DNAJC27: variants seen among roughly 807,000 people sequenced by gnomAD.
The protein encoded by DNAJC27 is DnaJ heat shock protein family (Hsp40) member C27.
A neutral mutation model predicts 31.4 loss-of-function variants in DNAJC27; 25 were observed. That is an observed-to-expected ratio of 0.80 (90% CI 0.58 to 1.11). The LOEUF is 1.11. Among genes scored for constraint, DNAJC27 ranks in the 50% most tolerant of loss-of-function variants. DNAJC27 has a pLI of 0.00. For missense variants in DNAJC27, 356 were observed against 347.3 expected, an observed-to-expected ratio of 1.02 and a Z score of -0.20; for synonymous variants, 106 against 112.7, an observed-to-expected ratio of 0.94 and a Z score of 0.37.
rs988300955 is a variant in DNAJC27, at chr2:24,957,683, T to C, written c.405+127A>G. On this transcript the variant is annotated intron_variant, in intron 4 of 6. Transcript: ENST00000264711. ...TGTTTTGTTTTTGTCTTAGGGACAT[T>C]ATGTTTTGAAAGGTTATTGATTTCC... The C allele has an allele frequency of 5.5e-6, 5 of 904,430 alleles. 1 individual carries two copies. In the African/African-American group the frequency reaches 8.5e-5, roughly 15 times the overall value. The allele number at this position is 904,430 out of a possible 1,614,324, so 56.0% of individuals were successfully genotyped here.
At chr2:24,971,072 G>C (rs949460809) in intron 1 of DNAJC27, among the ~76,000 whole-genome samples, 2 of 152,180 alleles carry the variant, frequency 1.3e-5, no homozygotes, top group Admixed American at 1.3e-4. Context: ...TTAACCAACA[G>C]ATTCCACTTG....
intron 5 of DNAJC27, among the ~76,000 whole-genome samples, chr2:24,954,911 G>T (rs1665869493): frequency 6.6e-6 from 1 of 152,160 alleles, no homozygotes. Flanking sequence ...ACTCCAGCCT[G>T]GGCAACAGAG....
intron 5 of DNAJC27, among the ~76,000 whole-genome samples, chr2:24,952,555 A>G (rs192359560): frequency 6.6e-6 from 1 of 152,118 alleles, no homozygotes; most frequent in East Asian, 1.9e-4. Context: ...GCTTCAGTAA[A>G]TTTTTCTTTT....
intron 6 of DNAJC27, 81 bp downstream of exon 6, chr2:24,951,313 A>G: frequency 7.4e-7 from 1 of 1,359,342 alleles, no homozygotes; most frequent in East Asian, 2.4e-5. Context: ...CAACTGGAGG[A>G]AGATATACTG....
intron 5 of DNAJC27, among the ~76,000 whole-genome samples, chr2:24,951,893 G>A (rs1310009510): frequency 6.6e-6 from 1 of 152,150 alleles, no homozygotes; most frequent in African/African-American, 2.4e-5. Context: ...CGGATTGCTT[G>A]AGCTCAGGAG....
At chr2:24,958,094 T>G in intron 3 of DNAJC27, 120 bp from the exon 4 acceptor site, 1 of 913,790 alleles carries the variant, frequency 1.1e-6, no homozygotes, top group Non-Finnish European at 1.6e-6. Context: ...TGCTATTGTA[T>G]CTGTTTCTAC....
intron 2 of DNAJC27, among the ~76,000 whole-genome samples, chr2:24,965,695 T>C (rs1226069825): frequency 2.0e-5 from 3 of 152,236 alleles, no homozygotes; most frequent in Non-Finnish European, 4.4e-5. Flanking sequence ...TACACACAAC[T>C]CTTGAGTTTT....
In DNAJC27 at chr2:24,951,063, G is replaced by A. The variant is rs112243403; in HGVS notation, c.689+331C>T. ...AATGTTTGACAAGTTGATTGCCAAC[G>A]TGCTTTCCTCCTCTAACATTCTATG... is the stretch of plus-strand genomic sequence containing the variant. On this transcript the variant is annotated intron_variant, in intron 6 of 6. Coordinates refer to ENST00000264711, the MANE Select transcript of DNAJC27 (RefSeq NM_016544.3). Among the ~76,000 whole-genome samples the A allele has an allele frequency of 3.4e-3, 520 of 152,246 alleles. 6 individuals are homozygous for A. The highest frequency in any genetic ancestry group is 0.012 in the African/African-American group (485 of 41,528).
At chr2:24,962,621 C>T (rs951124344) in intron 3 of DNAJC27, among the ~76,000 whole-genome samples, 2 of 152,152 alleles carry the variant, frequency 1.3e-5, no homozygotes, top group South Asian at 2.1e-4. Flanking sequence ...TAAAGAAATA[C>T]ATTGAACTGA....
intron 5 of DNAJC27, among the ~76,000 whole-genome samples, chr2:24,953,859 G>A (rs1665840560): frequency 6.6e-6 from 1 of 152,198 alleles, no homozygotes; most frequent in African/African-American, 2.4e-5. Context: ...TAAATTTCAT[G>A]TCTGAGTTCC....
At chr2:24,953,595 T>A (rs78379488) in intron 5 of DNAJC27, 8 of 453,418 alleles carry the variant, frequency 1.8e-5, no homozygotes, top group South Asian at 9.5e-5. Flanking sequence ...TTTTTTTTTT[T>A]AAACAGACTA....
Position 24,945,943 on chromosome 2 carries a change from G to T in DNAJC27, c.*1673C>A, listed in dbSNP as rs574626700. On this transcript the variant is annotated 3_prime_UTR_variant, in exon 7 of 7. Coordinates refer to ENST00000264711, the MANE Select transcript of DNAJC27 (RefSeq NM_016544.3). The stretch of plus-strand genomic sequence containing the variant: ...AGATGCTCTTTGGCAATCGATATGG[G>T]ATAGCTTTTTAAAATTCACAGGACA... The T allele has an allele frequency of 6.6e-6, 1 of 152,124 alleles. No homozygotes were observed. Among genetic ancestry groups the T allele is most frequent in the Non-Finnish European group, 1.5e-5 (1 of 68,024 alleles). The allele number at this position is 152,124 out of a possible 1,614,324, so 9.4% of individuals were successfully genotyped here.
intron 2 of DNAJC27, among the ~76,000 whole-genome samples, chr2:24,964,833 T>A (rs1002396696): frequency 6.6e-6 from 1 of 152,134 alleles, no homozygotes; most frequent in Admixed American, 6.6e-5. Context: ...AACAAAACTA[T>A]CTTAAATAGG....
At chr2:24,952,070 T>C (rs1269454065) in intron 5 of DNAJC27, among the ~76,000 whole-genome samples, 2 of 152,126 alleles carry the variant, frequency 1.3e-5, no homozygotes, top group African/African-American at 4.8e-5. Context: ...GCCCAGATCA[T>C]GCCACTGTAC....
chr2:24,971,662 T>C, intron 1 of DNAJC27, 156 bp downstream of exon 1: 1 of 553,300 alleles, frequency 1.8e-6, no homozygotes, highest in Non-Finnish European at 3.1e-6. Context: ...GGTCGGGGAG[T>C]TTCGTTCGCG....
At chr2:24,968,507 TTTA>T (rs1185570330) in intron 1 of DNAJC27, among the ~76,000 whole-genome samples, 6 of 151,598 alleles carry the variant, frequency 4.0e-5, no homozygotes, top group South Asian at 2.1e-4. Flanking sequence ...TATTTATTTA[TTTA>T]TTATTATTAT....
intron 5 of DNAJC27, among the ~76,000 whole-genome samples, chr2:24,952,881 C>T (rs577784376): frequency 5.5e-4 from 84 of 152,156 alleles, no homozygotes; most frequent in Non-Finnish European, 1.0e-3. Context: ...ATGGCCTTTT[C>T]TTTTTCTGCA....
At chr2:24,967,175 A>G (rs1666205689) in intron 2 of DNAJC27, 36 bp downstream of exon 2, 1 of 1,535,302 alleles carries the variant, frequency 6.5e-7, no homozygotes, top group East Asian at 2.2e-5. Flanking sequence ...CTGAACTTCT[A>G]TGTAACTTAC....
At position 24,947,482 on chromosome 2, in the gene DNAJC27, C is replaced by G; in HGVS notation, c.*134G>C. ...GTCTATGAAATGGGTACCTGAATTA[C>G]TGATATACAAATGACAACACATGAA... On this transcript the variant is annotated 3_prime_UTR_variant, in exon 7 of 7. Coordinates refer to ENST00000264711, the MANE Select transcript of DNAJC27 (RefSeq NM_016544.3). 1 of 1,106,844 alleles carries G rather than the reference C, an allele frequency of 9.0e-7. No homozygotes were observed. The highest frequency in any genetic ancestry group is 1.3e-6 in the Non-Finnish European group (1 of 777,416). The allele number at this position is 1,106,844 out of a possible 1,614,324, so 68.6% of individuals were successfully genotyped here. A position where few individuals can be genotyped will look rare whatever the true frequency, so the allele number is the denominator to read the frequency against.
Sources: allele counts gnomAD v4.1 joint callset (sites outside exome capture counted in the v4.1 genomes callset), GRCh38; gene constraint gnomAD v4.1.1; transcripts MANE v1.5; gene names NCBI Gene and HGNC (gene_info 2026-07-23, HGNC 2026-07-21).